The following EDAR variants were observed in gnomAD, a reference collection of about 807,000 sequenced individuals.
EDAR encodes the protein ectodysplasin A receptor.
In EDAR, 38 loss-of-function variants were observed where a neutral mutation model predicts 51.3. The ratio of observed to expected loss-of-function variants is 0.74; its 90% confidence interval spans 0.57 to 0.97. EDAR has a LOEUF of 0.97. Ranked by LOEUF, EDAR falls within the 50% of genes least tolerant of loss-of-function variation. EDAR has a pLI of 0.00. For missense variants in EDAR, 528 were observed against 595.0 expected, an observed-to-expected ratio of 0.89 and a Z score of 1.17; for synonymous variants, 227 against 242.1, an observed-to-expected ratio of 0.94 and a Z score of 0.58.
chr2:108,964,431 A>G (rs977565962), intron 1 of EDAR, among the ~76,000 whole-genome samples: 3 of 152,164 alleles, frequency 2.0e-5, no homozygotes, highest in Admixed American at 6.5e-5. Flanking sequence ...GGAGCTGTTC[A>G]TCTTTCCCTA....
chr2:108,969,287 GATTCT>G (rs1417348620), intron 1 of EDAR, among the ~76,000 whole-genome samples: 1 of 151,796 alleles, frequency 6.6e-6, no homozygotes, highest in African/African-American at 2.4e-5. Flanking sequence ...TATGCACTTT[GATTCT>G]GTCTTTCCAA....
Position 108,906,712 on chromosome 2 carries a change from G to A in EDAR, c.964-344C>T, listed in dbSNP as rs140538987. 5.1e-3 allele frequency among the ~76,000 whole-genome samples: 777 copies of A among 152,296 alleles called. 7 individuals carry two copies. The highest frequency in any genetic ancestry group is 0.02 in the Middle Eastern group (6 of 294). ...CATCTGTGCTGCAGCAGAGCCGTGC[G>A]GGGCTCCCATCCCGGATCACGTGGC... On this transcript the variant is annotated intron_variant, in intron 10 of 11. Transcript: ENST00000258443.
chr2:108,946,001 A>T (rs1338874620), intron 1 of EDAR, among the ~76,000 whole-genome samples: 2 of 152,158 alleles, frequency 1.3e-5, no homozygotes, highest in African/African-American at 4.8e-5. Context: ...ACTTGATTGC[A>T]TTTTCTGACT....
rs1698544954 is a variant in EDAR at position 108,988,947 on chromosome 2, G to T, written c.-19+13C>A. ...AAGAGTTTAGAAAACCAGAGGAAAGGACCAGGGCTTACCTGGCTTCTGTTG... is the reference window on the plus strand; with the variant it reads ...AAGAGTTTAGAAAACCAGAGGAAAGTACCAGGGCTTACCTGGCTTCTGTTG... On this transcript the variant is annotated intron_variant, in intron 1 of 11. Transcript: ENST00000258443. The T allele has an allele frequency of 1.3e-5, 2 of 152,240 alleles. No homozygotes were observed. The highest frequency in any genetic ancestry group is 4.8e-5 in the African/African-American group (2 of 41,442). 9.4% of individuals were successfully genotyped at this position (152,240 alleles called of 1,614,324 possible). A position where few individuals can be genotyped will look rare whatever the true frequency, so the allele number is the denominator to read the frequency against.
intron 1 of EDAR, among the ~76,000 whole-genome samples, chr2:108,967,124 G>A (rs759781169): frequency 4.6e-5 from 7 of 152,102 alleles, no homozygotes; most frequent in Non-Finnish European, 2.9e-5. Context: ...TAGTAGAGAC[G>A]GAGTTTTGTC....
intron 1 of EDAR, among the ~76,000 whole-genome samples, chr2:108,935,145 C>T (rs537700964): frequency 6.6e-6 from 1 of 152,206 alleles, no homozygotes; most frequent in Non-Finnish European, 1.5e-5. Flanking sequence ...CCACTCCTGC[C>T]TGAATTAACA....
At chr2:108,959,184 C>T (rs745648929) in intron 1 of EDAR, among the ~76,000 whole-genome samples, 46 of 152,174 alleles carry the variant, frequency 3.0e-4, no homozygotes, top group African/African-American at 6.3e-4. Flanking sequence ...GCAGGTGGCC[C>T]GAGGAAAGCC....
At chr2:108,922,730 C>T (rs1443787513) in intron 5 of EDAR, among the ~76,000 whole-genome samples, 1 of 152,134 alleles carries the variant, frequency 6.6e-6, no homozygotes, top group Non-Finnish European at 1.5e-5. Context: ...AGCTTCCTCC[C>T]AGCTGCTTGT....
intron 1 of EDAR, among the ~76,000 whole-genome samples, chr2:108,963,241 A>G (rs963134949): frequency 1.3e-5 from 2 of 152,208 alleles, no homozygotes; most frequent in Non-Finnish European, 2.9e-5. Context: ...TCTGTGGCCA[A>G]CGTAAAAGGG....
At chr2:108,953,203 G>A (rs1009544142) in intron 1 of EDAR, among the ~76,000 whole-genome samples, 3 of 152,132 alleles carry the variant, frequency 2.0e-5, no homozygotes, top group African/African-American at 7.2e-5. Context: ...CTGCATTCTG[G>A]CTAAGCCGAT....
rs1696570312 is a variant in EDAR, at chr2:108,895,675, A to G, written c.*1232T>C. ...CACCTGAACCCTACCTGCCCCAATT[A>G]TAGAATCACTAACTAACATCTCATT... On this transcript the variant is annotated 3_prime_UTR_variant, in exon 12 of 12. Coordinates refer to ENST00000258443, the MANE Select transcript of EDAR (RefSeq NM_022336.4). 1 of 152,172 alleles carries G rather than the reference A, an allele frequency of 6.6e-6. No homozygotes were observed. The allele number at this position is 152,172 out of a possible 1,614,324, so 9.4% of individuals were successfully genotyped here.
At chr2:108,929,920 T>C (rs967785190) in intron 3 of EDAR, among the ~76,000 whole-genome samples, 200 bp downstream of exon 3, 20 of 152,230 alleles carry the variant, frequency 1.3e-4, no homozygotes, top group Admixed American at 1.0e-3. Context: ...AAAATCTGTT[T>C]ATGAATGCTT....
At chr2:108,942,247 G>A (rs1697615212) in intron 1 of EDAR, among the ~76,000 whole-genome samples, 1 of 152,380 alleles carries the variant, frequency 6.6e-6, no homozygotes, top group Non-Finnish European at 1.5e-5. Flanking sequence ...GGCTCAGAGA[G>A]GGTGAGCGAC....
At chr2:108,987,642 G>A (rs756389282) in intron 1 of EDAR, among the ~76,000 whole-genome samples, 1 of 152,184 alleles carries the variant, frequency 6.6e-6, no homozygotes, top group Non-Finnish European at 1.5e-5. Flanking sequence ...TCCTCCAACT[G>A]TGCTGTCACA....
intron 1 of EDAR, among the ~76,000 whole-genome samples, chr2:108,952,684 C>T (rs959601939): frequency 6.6e-5 from 10 of 152,224 alleles, no homozygotes; most frequent in African/African-American, 2.2e-4. Flanking sequence ...TTAATTCCAA[C>T]ATCCGGATTA....
intron 1 of EDAR, among the ~76,000 whole-genome samples, chr2:108,931,242 G>A (rs1034437612): frequency 6.6e-6 from 1 of 152,228 alleles, no homozygotes; most frequent in African/African-American, 2.4e-5. Flanking sequence ...AGCCATGCCT[G>A]GGAGGGAGCC....
chr2:108,916,866 G>A (rs1697038324), intron 5 of EDAR, among the ~76,000 whole-genome samples: 1 of 152,180 alleles, frequency 6.6e-6, no homozygotes, highest in Non-Finnish European at 1.5e-5. Flanking sequence ...CATCTGCAGG[G>A]AGACACTTCT....
intron 1 of EDAR, among the ~76,000 whole-genome samples, chr2:108,931,945 A>T (rs897951952): frequency 3.9e-5 from 6 of 152,154 alleles, no homozygotes; most frequent in African/African-American, 1.2e-4. Flanking sequence ...GGGTTGTGTG[A>T]GGAACCTTCC....
chr2:108,930,253 A>AG lies in EDAR; in HGVS notation c.52-12dup. On this transcript the variant is annotated splice_polypyrimidine_tract_variant and intron_variant, in intron 2 of 11. Transcript: ENST00000258443. Reference sequence around the variant, plus strand: ...GCACATCAGAGACACCTGCCAACAAAGGGGGGTGTTGTGGCCTCCGTACCT... The same window carrying AG: ...GCACATCAGAGACACCTGCCAACAAAGGGGGGGTGTTGTGGCCTCCGTACCT... 1 of 1,613,974 alleles carries AG rather than the reference A, an allele frequency of 6.2e-7. No individual in the cohort carries two copies. Among genetic ancestry groups the AG allele is most frequent in the South Asian group, 1.1e-5 (1 of 91,078 alleles).
Sources: allele counts gnomAD v4.1 joint callset (sites outside exome capture counted in the v4.1 genomes callset), GRCh38; gene constraint gnomAD v4.1.1; transcripts MANE v1.5; gene names NCBI Gene and HGNC (gene_info 2026-07-23, HGNC 2026-07-21).